RPIA: variants seen among roughly 807,000 people sequenced by gnomAD.
RPIA encodes the protein ribose-5-phosphate isomerase.
In RPIA, 29 loss-of-function variants were observed where a neutral mutation model predicts 37.8. That is an observed-to-expected ratio of 0.77 (90% CI 0.57 to 1.05). RPIA has a LOEUF of 1.05. Ranked by LOEUF, RPIA falls within the 50% of genes least tolerant of loss-of-function variation. The pLI is 0.00. For missense variants in RPIA, 385 were observed against 413.6 expected, an observed-to-expected ratio of 0.93 and a Z score of 0.60; for synonymous variants, 167 against 157.0, an observed-to-expected ratio of 1.06 and a Z score of -0.48.
chr2:88,735,105 T>C (rs935049525), intron 5 of RPIA, among the ~76,000 whole-genome samples: 3 of 152,250 alleles, frequency 2.0e-5, no homozygotes, highest in African/African-American at 7.2e-5. Flanking sequence ...CTGGTTCTTA[T>C]AATCAAGCAG....
At position 88,696,412 on chromosome 2, in the gene RPIA, G is replaced by A. The variant is rs139104807; in HGVS notation, c.286-2072G>A. Among the ~76,000 whole-genome samples the A allele has an allele frequency of 6.5e-3, 993 of 152,042 alleles. 8 individuals are homozygous for A. Among genetic ancestry groups the A allele is most frequent in the African/African-American group, 0.023 (965 of 41,400 alleles). On this transcript the variant is annotated intron_variant, in intron 1 of 8. Coordinates refer to ENST00000283646, the MANE Select transcript of RPIA (RefSeq NM_144563.3). ...TTAAAAAAATTAGCTGGGCATGGTG[G>A]CATGTTCCCATAGTACTAGCTATGT...
At chr2:88,695,443 G>A (rs185203182) in intron 1 of RPIA, among the ~76,000 whole-genome samples, 40 of 152,298 alleles carry the variant, frequency 2.6e-4, no homozygotes, top group Non-Finnish European at 4.3e-4. Context: ...TGGGATACGG[G>A]GAGAAATCCC....
intron 3 of RPIA, among the ~76,000 whole-genome samples, chr2:88,703,735 T>G (rs1387599657): frequency 9.2e-5 from 14 of 152,344 alleles, no homozygotes; most frequent in African/African-American, 2.6e-4. Context: ...GGATTAACAT[T>G]TGGCTCTTCC....
chr2:88,720,577 ATAAT>A (rs1273606559), intron 3 of RPIA, among the ~76,000 whole-genome samples: 1 of 150,624 alleles, frequency 6.6e-6, no homozygotes, highest in African/African-American at 2.4e-5. Context: ...AAATTAAAAA[ATAAT>A]TTAAATTATT....
chr2:88,729,004 A>G (rs1050593308), intron 3 of RPIA, among the ~76,000 whole-genome samples: 2 of 152,188 alleles, frequency 1.3e-5, no homozygotes, highest in African/African-American at 4.8e-5. Flanking sequence ...ATGCCGTGGC[A>G]TTCTCTTTCA....
At chr2:88,724,087 T>C (rs922773054) in intron 3 of RPIA, among the ~76,000 whole-genome samples, 2 of 152,146 alleles carry the variant, frequency 1.3e-5, no homozygotes, top group African/African-American at 4.8e-5. Context: ...CCCACCTTGA[T>C]TGATTTTGGG....
intron 3 of RPIA, among the ~76,000 whole-genome samples, chr2:88,707,671 C>T (rs1244771726): frequency 6.6e-6 from 1 of 152,160 alleles, no homozygotes; most frequent in Non-Finnish European, 1.5e-5. Context: ...TTGTGTAGAC[C>T]AGTCACAAAA....
intron 8 of RPIA, among the ~76,000 whole-genome samples, chr2:88,747,605 C>T (rs1047873572): frequency 1.3e-5 from 2 of 152,118 alleles, no homozygotes; most frequent in African/African-American, 4.8e-5. Flanking sequence ...GGATGGCTTC[C>T]CTGGGCTCAA....
intron 3 of RPIA, among the ~76,000 whole-genome samples, chr2:88,715,051 C>T (rs528497615): frequency 5.7e-4 from 87 of 152,324 alleles, no homozygotes; most frequent in Non-Finnish European, 1.0e-3. Flanking sequence ...ACAATAGGTT[C>T]GTCACTTAAT....
intron 6 of RPIA, among the ~76,000 whole-genome samples, chr2:88,736,093 C>T (rs562952017): frequency 1.3e-5 from 2 of 152,294 alleles, no homozygotes; most frequent in South Asian, 4.1e-4. Context: ...GCCCTGCCCA[C>T]GGGCAGTGAC....
chr2:88,716,589 A>G (rs932687198), intron 3 of RPIA, among the ~76,000 whole-genome samples: 1 of 152,226 alleles, frequency 6.6e-6, no homozygotes, highest in African/African-American at 2.4e-5. Flanking sequence ...CAGTGTATCC[A>G]GACTGGAAAA....
At chr2:88,696,543 A>G (rs1240953970) in intron 1 of RPIA, among the ~76,000 whole-genome samples, 2 of 151,976 alleles carry the variant, frequency 1.3e-5, no homozygotes, top group African/African-American at 4.8e-5. Context: ...CATATATACA[A>G]GATATATTGT....
intron 3 of RPIA, among the ~76,000 whole-genome samples, chr2:88,716,497 G>T (rs963847222): frequency 6.6e-6 from 1 of 152,092 alleles, no homozygotes; most frequent in African/African-American, 2.4e-5. Flanking sequence ...TGTTCAAACT[G>T]CCATCTTTAC....
intron 5 of RPIA, among the ~76,000 whole-genome samples, chr2:88,735,282 A>G (rs1177995498): frequency 6.6e-6 from 1 of 152,182 alleles, no homozygotes. Context: ...GGCTCTCTCC[A>G]CTTCATCACC....
At chr2:88,713,462 A>G (rs1672988837) in intron 3 of RPIA, among the ~76,000 whole-genome samples, 1 of 152,028 alleles carries the variant, frequency 6.6e-6, no homozygotes, top group African/African-American at 2.4e-5. Flanking sequence ...GGAGGTAGAT[A>G]CCCTTCTGAT....
intron 3 of RPIA, among the ~76,000 whole-genome samples, chr2:88,726,253 G>T (rs11679820): frequency 6.6e-6 from 1 of 152,204 alleles, no homozygotes; most frequent in Non-Finnish European, 1.5e-5. Context: ...GCATAGCTCA[G>T]TTGGTTGTCG....
chr2:88,712,668 C>T (rs748133189), intron 3 of RPIA, among the ~76,000 whole-genome samples: 1 of 152,054 alleles, frequency 6.6e-6, no homozygotes, highest in Non-Finnish European at 1.5e-5. Flanking sequence ...TTTTGTTTTC[C>T]CCAAAGTGGT....
chr2:88,726,732 C>G (rs1673201732), intron 3 of RPIA, among the ~76,000 whole-genome samples: 1 of 152,096 alleles, frequency 6.6e-6, no homozygotes, highest in Admixed American at 6.6e-5. Flanking sequence ...TATCAGTTAG[C>G]AGTGTGGGGT....
chr2:88,722,269 C>T (rs554709120), intron 3 of RPIA, among the ~76,000 whole-genome samples: 1 of 152,076 alleles, frequency 6.6e-6, no homozygotes, highest in Admixed American at 6.5e-5. Context: ...AAAAATTGTT[C>T]ACCTTTTTAA....
Sources: allele counts gnomAD v4.1 joint callset (sites outside exome capture counted in the v4.1 genomes callset), GRCh38; gene constraint gnomAD v4.1.1; transcripts MANE v1.5; gene names NCBI Gene and HGNC (gene_info 2026-07-23, HGNC 2026-07-21).